COL24A1: variants seen among roughly 807,000 people sequenced by gnomAD.
The protein encoded by COL24A1 is collagen alpha-1(XXIV) chain.
A neutral mutation model predicts 253.9 loss-of-function variants in COL24A1; 224 were observed. The ratio of observed to expected loss-of-function variants is 0.88; its 90% CI spans 0.79 to 0.99. The LOEUF (loss-of-function observed/expected upper bound fraction) is 0.99, where lower values mean the gene tolerates loss of function less well. COL24A1 is among the 50% of genes least tolerant of loss of function. The pLI is 0.00. For missense variants in COL24A1, 2,131 were observed against 2,068.5 expected (o/e 1.03, Z -0.59); for synonymous variants, 685 against 673.7 (o/e 1.02, Z -0.26).
chr1:85,886,638 C>T (rs777651867), intron 32 of COL24A1, among the ~76,000 whole-genome samples: 96 of 151,754 alleles, frequency 6.3e-4, no homozygotes, highest in African/African-American at 2.2e-3. Flanking sequence ...GTACTCTAGC[C>T]TGGGCGACAG....
At chr1:85,856,078 C>T (rs1366645283) in intron 37 of COL24A1, among the ~76,000 whole-genome samples, 3 of 152,072 alleles carry the variant, frequency 2.0e-5, no homozygotes, top group Non-Finnish European at 4.4e-5. Context: ...TTTGGATCAT[C>T]TCCCTGCCTG....
intron 47 of COL24A1, among the ~76,000 whole-genome samples, chr1:85,787,313 G>A (rs1325814061): frequency 6.6e-6 from 1 of 151,908 alleles, no homozygotes; most frequent in African/African-American, 2.4e-5. Flanking sequence ...CATCACCTAG[G>A]TATTAAGTCC....
At chr1:85,874,331 T>C (rs1680888799) in intron 35 of COL24A1, among the ~76,000 whole-genome samples, 2 of 152,208 alleles carry the variant, frequency 1.3e-5, no homozygotes, top group Non-Finnish European at 2.9e-5. Context: ...CTGAGAGTTG[T>C]TCACTGGTAT....
At chr1:86,153,464 T>C (rs1214540364) in intron 1 of COL24A1, among the ~76,000 whole-genome samples, 2 of 152,226 alleles carry the variant, frequency 1.3e-5, no homozygotes, top group Non-Finnish European at 2.9e-5. Context: ...GTTAGCCTTT[T>C]ATGAGAATGA....
chr1:85,787,544 A>C (rs1243055641), intron 47 of COL24A1, among the ~76,000 whole-genome samples: 1 of 152,106 alleles, frequency 6.6e-6, no homozygotes, highest in Non-Finnish European at 1.5e-5. Flanking sequence ...ACATGATCTC[A>C]TTCCTTTTTA....
At chr1:85,976,071 C>T (rs142254653) in intron 20 of COL24A1, among the ~76,000 whole-genome samples, 1 of 152,248 alleles carries the variant, frequency 6.6e-6, no homozygotes, top group African/African-American at 2.4e-5. Flanking sequence ...AAAAAGATTC[C>T]AACTGAACTT....
intron 7 of COL24A1, among the ~76,000 whole-genome samples, chr1:86,077,223 C>A (rs929121880): frequency 6.6e-6 from 1 of 152,078 alleles, no homozygotes. Context: ...ATTTATGCAG[C>A]CAACACACAT....
chr1:85,895,970 C>G (rs1683651828), intron 30 of COL24A1, 51 bp downstream of exon 30: 1 of 1,596,834 alleles, frequency 6.3e-7, no homozygotes, highest in Non-Finnish European at 8.5e-7. Flanking sequence ...CTAAGAAAAA[C>G]AAAAAAGACT....
chr1:85,801,002 CA>C (rs1157252071), intron 47 of COL24A1, among the ~76,000 whole-genome samples: 3 of 152,116 alleles, frequency 2.0e-5, no homozygotes, highest in African/African-American at 7.2e-5. Flanking sequence ...CCACAAAAAA[CA>C]AAATTAATAA....
chr1:86,125,211 G>A lies in COL24A1; in HGVS notation c.1125C>T (p.Asp375=), dbSNP rs1458185943. The change falls in exon 3 of 60, where the codon GAC becomes GAT. Residue 375 remains aspartate (D), a synonymous_variant. Transcript: ENST00000370571. ...EKFSSLLNMS[D]NITQHDDRVT... is the part of the protein sequence containing the mutation. ...CTCTATCATCATGTTGTGTGATATTGTCAGACATGTTTAGGAGAGAGCTAA... is the reference window on the plus strand; with the variant it reads ...CTCTATCATCATGTTGTGTGATATTATCAGACATGTTTAGGAGAGAGCTAA... 6.2e-7 allele frequency: 1 copy of A among 1,613,458 alleles called. No homozygotes were observed. Among genetic ancestry groups the A allele is most frequent in the African/African-American group, 1.3e-5 (1 of 74,894 alleles).
chr1:85,978,780 C>T (rs751645334), intron 20 of COL24A1, among the ~76,000 whole-genome samples: 10 of 152,034 alleles, frequency 6.6e-5, no homozygotes, highest in African/African-American at 1.4e-4. Flanking sequence ...CTAGGCAGGT[C>T]GTCAAGACAG....
At chr1:85,796,788 A>G (rs370690786) in intron 47 of COL24A1, among the ~76,000 whole-genome samples, 1 of 152,208 alleles carries the variant, frequency 6.6e-6, no homozygotes, top group African/African-American at 2.4e-5. Flanking sequence ...TATAAAAACC[A>G]TATGGATTAA....
chr1:86,066,435 G>A (rs1255157711), intron 7 of COL24A1, among the ~76,000 whole-genome samples: 3 of 151,560 alleles, frequency 2.0e-5, no homozygotes, highest in Non-Finnish European at 2.9e-5. Context: ...TAGTAGAGAT[G>A]GGGTTTCACT....
chr1:86,126,565 G>A (rs960625804), intron 2 of COL24A1, among the ~76,000 whole-genome samples: 5 of 151,820 alleles, frequency 3.3e-5, no homozygotes, highest in South Asian at 2.1e-4. Context: ...CTTGATATCC[G>A]GGGCTCAAAG....
At chr1:85,829,019 T>C (rs1318708644) in intron 43 of COL24A1, among the ~76,000 whole-genome samples, 3 of 152,238 alleles carry the variant, frequency 2.0e-5, no homozygotes, top group Non-Finnish European at 2.9e-5. Flanking sequence ...TTCCTAGTCT[T>C]GATGGTCTTT....
At chr1:85,996,583 C>T (rs899941040) in intron 19 of COL24A1, among the ~76,000 whole-genome samples, 2 of 152,002 alleles carry the variant, frequency 1.3e-5, no homozygotes, top group South Asian at 4.2e-4. Flanking sequence ...TTGCAGTGAG[C>T]TGAGATGGCG....
chr1:86,028,410 G>T (rs1205211042), intron 14 of COL24A1, among the ~76,000 whole-genome samples: 1 of 152,146 alleles, frequency 6.6e-6, no homozygotes, highest in Non-Finnish European at 1.5e-5. Flanking sequence ...GGAGATGGCT[G>T]CCCCATGCTG....
chr1:86,043,234 A>T (rs1214903420), intron 12 of COL24A1, among the ~76,000 whole-genome samples: 1 of 152,178 alleles, frequency 6.6e-6, no homozygotes, highest in Admixed American at 6.5e-5. Flanking sequence ...CTCCATGCTC[A>T]TAAGACTGAC....
intron 1 of COL24A1, chr1:86,155,210 C>G (rs1018953626): frequency 2.6e-5 from 4 of 152,050 alleles, no homozygotes; most frequent in Admixed American, 6.5e-5. Context: ...AGCCCAGCAG[C>G]GAGGCTTCCA....
Sources: gnomAD v4.1 joint callset for allele counts (sites outside exome capture counted in the v4.1 genomes callset) on GRCh38, gnomAD v4.1.1 for gene constraint, MANE v1.5 for transcripts, NCBI Gene and HGNC (gene_info 2026-07-23, HGNC 2026-07-21) for gene names.